SRGAP2: variants seen among roughly 807,000 people sequenced by gnomAD.
SRGAP2 encodes the protein SLIT-ROBO Rho GTPase-activating protein 2.
In SRGAP2, 15 loss-of-function variants were observed where a neutral mutation model predicts 57.2. The ratio of observed to expected loss-of-function variants is 0.26; its 90% CI spans 0.18 to 0.40. The LOEUF is 0.40. Among genes scored for constraint, SRGAP2 ranks in the 10% least tolerant of loss-of-function variants. The pLI is 1.00. For synonymous variants in SRGAP2, 249 were observed against 248.0 expected (o/e 1.00, Z -0.04); for missense variants, 520 against 669.6 (o/e 0.78, Z 2.47).
At chr1:206,304,527 A>G (rs1458301893) in intron 3 of SRGAP2, among the ~76,000 whole-genome samples, 21 of 151,948 alleles carry the variant, frequency 1.4e-4, no homozygotes, top group Non-Finnish European at 2.5e-4. Context: ...AAAACCTCAT[A>G]ATATTTTAAG....
At chr1:206,438,824 A>G (rs1662012321) in intron 16 of SRGAP2, among the ~76,000 whole-genome samples, 1 of 152,186 alleles carries the variant, frequency 6.6e-6, no homozygotes, top group Non-Finnish European at 1.5e-5. Flanking sequence ...TGGAGAAAAG[A>G]TCCTTCTTCC....
In SRGAP2 at chr1:206,454,369, G is replaced by A; in HGVS notation, c.2361-509G>A. ...TAGCCAGAGGGGCCAGGAGAGCAGT[G>A]GAGAGACCTGGGACCGGCTTGGATG... On this transcript the variant is annotated intron_variant, in intron 20 of 22. Coordinates refer to ENST00000573034, the MANE Select transcript of SRGAP2 (RefSeq NM_015326.5). This position sits in a 1 kb window ranked among gnomAD's most constrained non-coding sequence, Gnocchi z 4.3. The A allele has an allele frequency of 3.3e-6, 2 of 605,272 alleles. No individual in the cohort carries two copies. The highest frequency in any genetic ancestry group is 2.7e-5 in the Admixed American group (1 of 36,438). The allele number at this position is 605,272 out of a possible 1,614,324, so 37.5% of individuals were successfully genotyped here.
At chr1:206,456,859 C>T (rs539418121) in intron 21 of SRGAP2, among the ~76,000 whole-genome samples, 1 of 152,278 alleles carries the variant, frequency 6.6e-6, no homozygotes, top group South Asian at 2.1e-4. Flanking sequence ...GGTTCTCTTT[C>T]GCCCCTGGGC....
At chr1:206,360,612 T>G (rs1676835524) in intron 4 of SRGAP2, among the ~76,000 whole-genome samples, 1 of 152,328 alleles carries the variant, frequency 6.6e-6, no homozygotes, top group South Asian at 2.1e-4. Flanking sequence ...ATTTTGAAGA[T>G]GGAGCCAATA....
chr1:206,259,630 T>C (rs1185052650), intron 2 of SRGAP2, among the ~76,000 whole-genome samples: 1 of 149,796 alleles, frequency 6.7e-6, no homozygotes, highest in Non-Finnish European at 1.5e-5. Context: ...AGCCAACATG[T>C]TTGCATTTAT....
intron 2 of SRGAP2, among the ~76,000 whole-genome samples, chr1:206,255,447 C>T (rs559923506): frequency 6.8e-4 from 94 of 137,890 alleles, no homozygotes; most frequent in Non-Finnish European, 7.0e-4. Flanking sequence ...CATACTCTGG[C>T]TCTGTATCAT....
At chr1:206,438,745 C>T (rs183832743) in intron 16 of SRGAP2, among the ~76,000 whole-genome samples, 1 of 152,316 alleles carries the variant, frequency 6.6e-6, no homozygotes, top group African/African-American at 2.4e-5. Context: ...TGGATTAATA[C>T]AGGTCAGCCT....
intron 18 of SRGAP2, among the ~76,000 whole-genome samples, chr1:206,447,612 A>G (rs1268633933): frequency 6.6e-6 from 1 of 152,186 alleles, no homozygotes; most frequent in East Asian, 1.9e-4. Context: ...GTCTCAGCCT[A>G]CTGGATGATG....
At chr1:206,208,822 G>T (rs1666125175) in intron 2 of SRGAP2, among the ~76,000 whole-genome samples, 1 of 151,948 alleles carries the variant, frequency 6.6e-6, no homozygotes, top group South Asian at 2.1e-4. Context: ...GTTTGGTTTG[G>T]TTGTTAAGTG....
chr1:206,443,531 C>G (rs868990990), intron 17 of SRGAP2, among the ~76,000 whole-genome samples: 3 of 152,198 alleles, frequency 2.0e-5, no homozygotes, highest in African/African-American at 7.2e-5. Flanking sequence ...CATACCTCCA[C>G]GCCAGACTAA....
At chr1:206,450,550 C>T in intron 19 of SRGAP2, 85 bp downstream of exon 19, 2 of 711,624 alleles carry the variant, frequency 2.8e-6, no homozygotes, top group Non-Finnish European at 5.2e-6. Context: ...TCTGATGAAC[C>T]TGTCTGCCCA....
At chr1:206,402,381 C>A (rs538074861) in intron 8 of SRGAP2, among the ~76,000 whole-genome samples, 50 of 152,260 alleles carry the variant, frequency 3.3e-4, no homozygotes, top group African/African-American at 1.2e-3. Flanking sequence ...AAGTGAGAGG[C>A]AGGAGAAGCT....
In SRGAP2 at chr1:206,453,296, A is replaced by G; in HGVS notation, c.2276A>G (p.Gln759Arg). ...FKKGASLLLY[Q>R]RASDDWWEGR... ...AAGGGAGCATCCCTGCTGCTTTACC[A>G]GCGGGCTTCCGACGACTGGTGGGAA... Residue 759 changes from glutamine to arginine, a missense_variant, in exon 20 of 23, where the codon CAG becomes CGG. Physicochemically the swap from Gln to Arg is conservative, Grantham distance 43 (BLOSUM62 1). Around this residue, in one of 5 missense-constraint regions of SRGAP2, gnomAD observed 478 missense variants for 373.6 expected, o/e 1.28. Transcript: ENST00000573034. 1 of 761,908 alleles carries G rather than the reference A, an allele frequency of 1.3e-6. No individual in the cohort carries two copies. The highest frequency in any genetic ancestry group is 2.4e-6 in the Non-Finnish European group (1 of 408,444). The allele number at this position is 761,908 out of a possible 1,614,324, so 47.2% of individuals were successfully genotyped here.
Position 206,463,570 on chromosome 1 carries a change from GT to G in SRGAP2, c.*2152del, listed in dbSNP as rs1553381805. The G allele has an allele frequency of 1.3e-5, 2 of 152,664 alleles. No individual in the cohort carries two copies. The highest frequency in any genetic ancestry group is 2.9e-5 in the Non-Finnish European group (2 of 68,066). 9.5% of individuals were successfully genotyped at this position (152,664 alleles called of 1,614,324 possible). ...AATGGCAACACTTTGGGCCTGTTCT[GT>G]TGCTCCTGCCTTATTTCTCTTTCAA... On this transcript the variant is annotated 3_prime_UTR_variant, in exon 23 of 23. Coordinates refer to ENST00000573034, the MANE Select transcript of SRGAP2 (RefSeq NM_015326.5).
At chr1:206,228,751 A>G (rs1468461431) in intron 2 of SRGAP2, among the ~76,000 whole-genome samples, 75 of 151,848 alleles carry the variant, frequency 4.9e-4, no homozygotes, top group Admixed American at 2.0e-3. Context: ...ACAAAATCAA[A>G]TACTTGTAAA....
chr1:206,318,920 G>A (rs1454313460), intron 3 of SRGAP2, among the ~76,000 whole-genome samples: 7 of 151,818 alleles, frequency 4.6e-5, no homozygotes, highest in African/African-American at 1.7e-4. Context: ...ATTTGGGGGG[G>A]GACAGACATC....
At chr1:206,255,601 TGACAGGA>T (rs1669136119) in intron 2 of SRGAP2, among the ~76,000 whole-genome samples, 1 of 135,718 alleles carries the variant, frequency 7.4e-6, no homozygotes, top group African/African-American at 2.7e-5. Context: ...GGCAGATCCT[TGACAGGA>T]ATTTTGAATG....
At chr1:206,423,988 T>C (rs1446309701) in intron 13 of SRGAP2, among the ~76,000 whole-genome samples, 2 of 148,996 alleles carry the variant, frequency 1.3e-5, no homozygotes, top group East Asian at 3.9e-4. Context: ...AGACTGAGTT[T>C]CACCATGTTG....
chr1:206,460,924 A>G (rs781827630), intron 22 of SRGAP2, 113 bp from the exon 23 acceptor site: 1 of 576,114 alleles, frequency 1.7e-6, no homozygotes, highest in Non-Finnish European at 3.1e-6. Context: ...AAGTACAATA[A>G]TCTGGACATC....
Sources: gnomAD v4.1 joint callset for allele counts (sites outside exome capture counted in the v4.1 genomes callset) on GRCh38, gnomAD v4.1.1 for gene constraint, gnomAD v4.1.1 regional missense constraint, Gnocchi (gnomAD v3.1) non-coding constraint, MANE v1.5 for transcripts, NCBI Gene and HGNC (gene_info 2026-07-23, HGNC 2026-07-21) for gene names.